CCDC148: variants seen among roughly 807,000 people sequenced by gnomAD.
The protein encoded by CCDC148 is coiled-coil domain-containing protein 148.
In CCDC148, 89 loss-of-function variants were observed where a neutral mutation model predicts 85.7. The observed-to-expected ratio is 1.04, with a 90% CI of 0.87 to 1.24. The LOEUF is 1.24. Ranked by LOEUF, CCDC148 falls within the 50% of genes most tolerant of loss-of-function variation. The pLI is 0.00. For synonymous variants in CCDC148, 230 were observed against 213.9 expected, an observed-to-expected ratio of 1.08 and a Z score of -0.66; for missense variants, 692 against 671.7, an observed-to-expected ratio of 1.03 and a Z score of -0.33.
chr2:158,434,408 C>T (rs1361216250), intron 1 of CCDC148, among the ~76,000 whole-genome samples: 2 of 152,306 alleles, frequency 1.3e-5, no homozygotes, highest in South Asian at 2.1e-4. Flanking sequence ...AGCTGAGGGT[C>T]CTGACTGTTA....
intron 9 of CCDC148, among the ~76,000 whole-genome samples, chr2:158,285,215 G>A (rs1353924993): frequency 5.3e-5 from 8 of 150,968 alleles, no homozygotes; most frequent in Non-Finnish European, 7.4e-5. Flanking sequence ...TTGAACCTCG[G>A]AGACAGAGGT....
At chr2:158,232,536 A>G (rs565146674) in intron 10 of CCDC148, among the ~76,000 whole-genome samples, 23 of 152,310 alleles carry the variant, frequency 1.5e-4, no homozygotes, top group Admixed American at 7.9e-4. Flanking sequence ...TTATTTACAC[A>G]TAGGAAGCAG....
Position 158,433,233 on chromosome 2 carries a change from C to T in CCDC148, c.25+23182G>A, listed in dbSNP as rs765251923. ...TGAAATCAAACCACTGTACTATAGC[C>T]GGGGCAACAGAGTAAGTCCTTGACT... On this transcript the variant is annotated intron_variant, in intron 1 of 13. Coordinates refer to ENST00000283233, the MANE Select transcript of CCDC148 (RefSeq NM_138803.4). Among the ~76,000 whole-genome samples the T allele has an allele frequency of 1.4e-3, 191 of 131,978 alleles. 2 individuals carry two copies. Among genetic ancestry groups the T allele is most frequent in the Middle Eastern group, 4.4e-3 (1 of 226 alleles). The allele number at this position is 131,978 out of a possible 152,430, so 86.6% of individuals were successfully genotyped here. A position where few individuals can be genotyped will look rare whatever the true frequency, so the allele number is the denominator to read the frequency against.
intron 1 of CCDC148, among the ~76,000 whole-genome samples, chr2:158,384,986 C>T (rs1332133744): frequency 6.6e-6 from 1 of 152,146 alleles, no homozygotes; most frequent in Non-Finnish European, 1.5e-5. Flanking sequence ...CAGTCAAATT[C>T]AGTTACTTGC....
chr2:158,200,135 T>C (rs1685882121), intron 11 of CCDC148, among the ~76,000 whole-genome samples: 1 of 152,194 alleles, frequency 6.6e-6, no homozygotes, highest in Admixed American at 6.6e-5. Context: ...TGGTGGTGCA[T>C]GTTTAAAAAA....
intron 1 of CCDC148, among the ~76,000 whole-genome samples, chr2:158,408,608 C>A (rs1461169854): frequency 1.3e-5 from 2 of 152,102 alleles, no homozygotes; most frequent in Non-Finnish European, 2.9e-5. Flanking sequence ...CACACACATA[C>A]ACAGACACAC....
At chr2:158,210,787 CAAAA>C (rs34273946) in intron 11 of CCDC148, among the ~76,000 whole-genome samples, 2 of 89,482 alleles carry the variant, frequency 2.2e-5, no homozygotes, top group African/African-American at 4.9e-5. Flanking sequence ...ACTAAAAATA[CAAAA>C]AAAAAAAAAA....
In CCDC148 at chr2:158,178,859, A is replaced by C. The variant is rs1235813484; in HGVS notation, c.1488+20T>G. 8 of 1,563,194 alleles carry C rather than the reference A, an allele frequency of 5.1e-6. No homozygotes were observed. The African/African-American group carries it at 8.2e-5, about 16-fold the overall frequency. ...TTTTTTTAAAAAAACCACCCATGAAAATTTCCAAATGAAAAACACCTGTTT... is the reference window on the plus strand; with the variant it reads ...TTTTTTTAAAAAAACCACCCATGAACATTTCCAAATGAAAAACACCTGTTT... On this transcript the variant is annotated intron_variant, in intron 12 of 13. Transcript: ENST00000283233.
intron 1 of CCDC148, among the ~76,000 whole-genome samples, chr2:158,422,182 C>T (rs1216895602): frequency 6.6e-6 from 1 of 152,150 alleles, no homozygotes; most frequent in Non-Finnish European, 1.5e-5. Context: ...GGTACCATTC[C>T]TTCTGAAACT....
chr2:158,186,320 A>T (rs545022940), intron 11 of CCDC148, among the ~76,000 whole-genome samples: 1 of 152,116 alleles, frequency 6.6e-6, no homozygotes, highest in South Asian at 2.1e-4. Flanking sequence ...CATCACCTAG[A>T]ACTGTTCCCC....
chr2:158,296,952 GCT>G (rs1035024133), intron 9 of CCDC148, among the ~76,000 whole-genome samples: 1 of 152,160 alleles, frequency 6.6e-6, no homozygotes, highest in African/African-American at 2.4e-5. Context: ...GTTCCTCAGA[GCT>G]CTCTTTCTTC....
intron 11 of CCDC148, among the ~76,000 whole-genome samples, chr2:158,187,923 T>C (rs1685231672): frequency 6.6e-6 from 1 of 152,058 alleles, no homozygotes; most frequent in Non-Finnish European, 1.5e-5. Context: ...AGTGTAACTA[T>C]ATTACATTGC....
chr2:158,411,404 C>A (rs1686252190), intron 1 of CCDC148, among the ~76,000 whole-genome samples: 1 of 151,998 alleles, frequency 6.6e-6, no homozygotes, highest in African/African-American at 2.4e-5. Flanking sequence ...ACTTCTCTGA[C>A]TAAATAGTTT....
chr2:158,322,288 TAC>T (rs1357347010), intron 7 of CCDC148, among the ~76,000 whole-genome samples: 1 of 152,142 alleles, frequency 6.6e-6, no homozygotes, highest in Non-Finnish European at 1.5e-5. Context: ...ATGTATGTGA[TAC>T]AGTCATACAT....
chr2:158,319,259 C>T (rs1353662267), intron 7 of CCDC148, among the ~76,000 whole-genome samples: 1 of 152,168 alleles, frequency 6.6e-6, no homozygotes, highest in East Asian at 1.9e-4. Context: ...GGCACTGCTT[C>T]AGGAAAAATG....
At chr2:158,371,668 A>G (rs1452061213) in intron 1 of CCDC148, among the ~76,000 whole-genome samples, 1 of 144,946 alleles carries the variant, frequency 6.9e-6, no homozygotes, top group African/African-American at 2.8e-5. Context: ...GTGTGTTCAT[A>G]TACATATATA....
At chr2:158,449,892 C>T (rs183410883) in intron 1 of CCDC148, among the ~76,000 whole-genome samples, 5 of 152,310 alleles carry the variant, frequency 3.3e-5, no homozygotes, top group Non-Finnish European at 7.4e-5. Flanking sequence ...TTTATCACAC[C>T]AACAAAGTTC....
chr2:158,234,094 T>C (rs1169495465), intron 10 of CCDC148, among the ~76,000 whole-genome samples: 1 of 152,006 alleles, frequency 6.6e-6, no homozygotes, highest in African/African-American at 2.4e-5. Context: ...GAGAATCACT[T>C]GAACCTGGGA....
intron 9 of CCDC148, among the ~76,000 whole-genome samples, chr2:158,258,222 T>A (rs765509552): frequency 6.6e-6 from 1 of 151,898 alleles, no homozygotes; most frequent in Non-Finnish European, 1.5e-5. Flanking sequence ...ATTTGTGATG[T>A]AAAATACATT....
Sources: allele counts gnomAD v4.1 joint callset (sites outside exome capture counted in the v4.1 genomes callset), GRCh38; gene constraint gnomAD v4.1.1; transcripts MANE v1.5; gene names NCBI Gene and HGNC (gene_info 2026-07-23, HGNC 2026-07-21).